Variants in EYS observed in about 807,000 individuals in gnomAD.
EYS encodes protein eyes shut homolog.
EYS carries 250 observed loss-of-function variants against 282.1 expected under a neutral mutation model. The ratio of observed to expected loss-of-function variants is 0.89; its 90% CI spans 0.80 to 0.98. The LOEUF is 0.98. Ranked by LOEUF, EYS falls within the 50% of genes least tolerant of loss-of-function variation. The pLI, the probability that EYS is intolerant of heterozygous loss-of-function variation, is 0.00. For synonymous variants in EYS, 1,355 were observed against 1,282.9 expected (o/e 1.06, Z -1.20); for missense variants, 4,016 against 3,709.0 (o/e 1.08, Z -2.15).
intron 12 of EYS, among the ~76,000 whole-genome samples, chr6:65,209,633 C>CA (rs1346467884): frequency 6.6e-6 from 1 of 151,918 alleles, no homozygotes; most frequent in African/African-American, 2.4e-5. Flanking sequence ...ATGGAACATA[C>CA]ATGTTTGTGG....
intron 14 of EYS, among the ~76,000 whole-genome samples, chr6:64,948,243 C>T (rs1267873144): frequency 6.6e-6 from 1 of 151,092 alleles, no homozygotes; most frequent in Non-Finnish European, 1.5e-5. Context: ...TGCATAGCAA[C>T]TAAAAATAAC....
At chr6:64,887,304 T>G (rs1035096615) in intron 18 of EYS, among the ~76,000 whole-genome samples, 2 of 138,010 alleles carry the variant, frequency 1.4e-5, no homozygotes, top group Admixed American at 7.1e-5. Flanking sequence ...GGGGGAGGGA[T>G]AGCATTGGGA....
chr6:64,362,297 A>C (rs1326681698), intron 29 of EYS, among the ~76,000 whole-genome samples: 3 of 151,940 alleles, frequency 2.0e-5, no homozygotes, highest in African/African-American at 7.2e-5. Flanking sequence ...TAGATCATAT[A>C]CTCTAATTTT....
At chr6:65,146,471 C>G (rs913466923) in intron 12 of EYS, among the ~76,000 whole-genome samples, 1 of 151,890 alleles carries the variant, frequency 6.6e-6, no homozygotes, top group African/African-American at 2.4e-5. Context: ...TGTTCTTCCT[C>G]AAAATTAAAA....
In EYS at chr6:65,422,049, G is replaced by A. The variant is rs1032709490; in HGVS notation, c.863-16682C>T. On this transcript the variant is annotated intron_variant, in intron 5 of 42. Transcript: ENST00000503581. The stretch of plus-strand genomic sequence containing the variant: ...TTAGAAAAACTGGTGCTGATAGATC[G>A]GCTTGACTCAGGATTGCCACAAACT... Among the ~76,000 whole-genome samples, 15 of 151,948 alleles carry A rather than the reference G, an allele frequency of 9.9e-5. 1 individual carries two copies. Among genetic ancestry groups the A allele is most frequent in the African/African-American group, 2.9e-4 (12 of 41,498 alleles).
intron 22 of EYS, among the ~76,000 whole-genome samples, chr6:64,655,323 A>C (rs978789510): frequency 1.4e-5 from 2 of 143,768 alleles, no homozygotes; most frequent in African/African-American, 2.6e-5. Flanking sequence ...AGTAGGTTTC[A>C]TATTTTTAAA....
chr6:64,176,449 T>G (rs1432657006), intron 31 of EYS, among the ~76,000 whole-genome samples: 1 of 152,086 alleles, frequency 6.6e-6, no homozygotes, highest in Non-Finnish European at 1.5e-5. Flanking sequence ...GTAAACTTTT[T>G]GATATCAAGA....
At chr6:64,606,730 T>C (rs533209398) in intron 24 of EYS, among the ~76,000 whole-genome samples, 1 of 152,080 alleles carries the variant, frequency 6.6e-6, no homozygotes, top group African/African-American at 2.4e-5. Flanking sequence ...TCAGAAAGTC[T>C]TTGAAGCTAG....
intron 29 of EYS, among the ~76,000 whole-genome samples, chr6:64,315,965 A>C (rs964942468): frequency 2.0e-5 from 3 of 152,206 alleles, no homozygotes; most frequent in Non-Finnish European, 2.9e-5. Flanking sequence ...AATGACAAAA[A>C]CCACATGATT....
intron 22 of EYS, among the ~76,000 whole-genome samples, chr6:64,732,037 C>T (rs1771987094): frequency 6.6e-6 from 1 of 152,088 alleles, no homozygotes. Context: ...TGGAAACCAT[C>T]AATCTCAGCA....
intron 1 of EYS, among the ~76,000 whole-genome samples, chr6:65,687,179 C>T (rs1175298891): frequency 6.6e-6 from 1 of 151,768 alleles, no homozygotes; most frequent in Non-Finnish European, 1.5e-5. Flanking sequence ...ATAAAAAATG[C>T]AACTGAATAA....
intron 7 of EYS, among the ~76,000 whole-genome samples, chr6:65,401,967 C>T (rs1228930191): frequency 1.3e-5 from 2 of 151,858 alleles, no homozygotes; most frequent in African/African-American, 4.8e-5. Flanking sequence ...ATTCTTGGGT[C>T]ACTTCTGCCA....
At chr6:64,454,709 A>G (rs1380898143) in intron 26 of EYS, among the ~76,000 whole-genome samples, 1 of 152,116 alleles carries the variant, frequency 6.6e-6, no homozygotes, top group Non-Finnish European at 1.5e-5. Flanking sequence ...TGTAGTGCCA[A>G]CTGCATTACT....
chr6:65,324,931 C>T lies in EYS; in HGVS notation c.1766+10049G>A, dbSNP rs191123624. On this transcript the variant is annotated intron_variant, in intron 11 of 42. Coordinates refer to ENST00000503581, the MANE Select transcript of EYS (RefSeq NM_001142800.2). ...TGGGATTAAAGTGACAAAGCATGGCCTTTAAGAGATCAGAAGTAAAAGATA... is the reference window on the plus strand; with the variant it reads ...TGGGATTAAAGTGACAAAGCATGGCTTTTAAGAGATCAGAAGTAAAAGATA... Among the ~76,000 whole-genome samples the T allele has an allele frequency of 2.6e-5, 4 of 152,272 alleles. No individual in the cohort carries two copies. The East Asian group carries it at 5.8e-4, about 22-fold the overall frequency.
At chr6:64,394,766 A>C (rs1476233520) in intron 28 of EYS, among the ~76,000 whole-genome samples, 30 of 152,032 alleles carry the variant, frequency 2.0e-4, no homozygotes, top group Admixed American at 6.5e-4. Flanking sequence ...GCAACAAAAG[A>C]CAAAATTGAC....
At chr6:64,061,383 A>C (rs918387462) in intron 33 of EYS, among the ~76,000 whole-genome samples, 9 of 152,206 alleles carry the variant, frequency 5.9e-5, no homozygotes, top group Non-Finnish European at 1.3e-4. Context: ...AGCTCTCTCT[A>C]TGTGATCCCT....
At chr6:63,982,887 A>G (rs1350585517) in intron 35 of EYS, among the ~76,000 whole-genome samples, 1 of 151,878 alleles carries the variant, frequency 6.6e-6, no homozygotes, top group Admixed American at 6.6e-5. Flanking sequence ...AGGTTGAATA[A>G]CACAAATATT....
At chr6:64,630,039 T>C (rs532463888) in intron 22 of EYS, among the ~76,000 whole-genome samples, 1 of 152,184 alleles carries the variant, frequency 6.6e-6, no homozygotes, top group African/African-American at 2.4e-5. Context: ...GTTTTTAAAA[T>C]GTAGCCTTTA....
intron 30 of EYS, among the ~76,000 whole-genome samples, chr6:64,237,700 C>T (rs539308470): frequency 1.3e-5 from 2 of 152,082 alleles, no homozygotes; most frequent in Non-Finnish European, 2.9e-5. Flanking sequence ...GTTTGAATTG[C>T]CAGCATTCTC....
Sources: gnomAD v4.1 joint callset for allele counts (sites outside exome capture counted in the v4.1 genomes callset) on GRCh38, gnomAD v4.1.1 for gene constraint, MANE v1.5 for transcripts, NCBI Gene and HGNC (gene_info 2026-07-23, HGNC 2026-07-21) for gene names.